The following NBPF12 variants were observed in gnomAD, a reference collection of about 807,000 sequenced individuals.
NBPF12 encodes the protein NBPF member 12.
Under a neutral mutation model 146.4 loss-of-function variants are expected in NBPF12, and 115 were observed. The observed-to-expected ratio is 0.79, with a 90% CI of 0.68 to 0.92. NBPF12 has a LOEUF of 0.92. Among genes scored for constraint, NBPF12 ranks in the 40% least tolerant of loss-of-function variants. The probability of loss-of-function intolerance (pLI) is 0.00; values close to 1 mark genes in which losing one functional copy is unlikely to be tolerated. For synonymous variants in NBPF12, 385 were observed against 508.9 expected (o/e 0.76, Z 3.28); for missense variants, 1,205 against 1,326.8 (o/e 0.91, Z 1.43).
At chr1:146,946,942 T>C (rs1451056562), upstream of NBPF12, among the ~76,000 whole-genome samples, 6 of 152,054 alleles carry the variant, frequency 3.9e-5, no homozygotes, top group Non-Finnish European at 8.8e-5. Flanking sequence ...CTATCTTTGC[T>C]GTTTTAAATT....
chr1:146,964,974 C>A, exon 8 of NBPF12: 8 of 1,604,606 alleles, frequency 5.0e-6, no homozygotes. Context: ...ATAGCCACGG[C>A]CCTTGTGACT....
intron 19 of NBPF12, among the ~76,000 whole-genome samples, chr1:146,981,277 TA>T (rs878971787): frequency 0.087 from 8,794 of 101,064 alleles, 521 homozygotes; most frequent in East Asian, 0.14. Context: ...CTTAAAGTAT[TA>T]AAAAAAAAAA....
chr1:146,957,893 A>G (rs1449663101), intron 2 of NBPF12, among the ~76,000 whole-genome samples: 652 of 22,578 alleles, frequency 0.029, 40 homozygotes, highest in African/African-American at 0.17. Context: ...GTATATACAC[A>G]TATATATACA....
At chr1:146,967,926 C>G (rs1356641999) in intron 9 of NBPF12, among the ~76,000 whole-genome samples, 1 of 144,428 alleles carries the variant, frequency 6.9e-6, no homozygotes, top group Non-Finnish European at 1.5e-5. Flanking sequence ...TGTTATGTGT[C>G]ACACTTTATG....
At chr1:146,962,081 C>G in intron 4 of NBPF12, 80 bp from the exon 8 acceptor site, 2 of 1,307,492 alleles carry the variant, frequency 1.5e-6, no homozygotes, top group Admixed American at 3.4e-5. Flanking sequence ...TGGGATGGAC[C>G]TGGCTCCTGC....
intron 21 of NBPF12, 71 bp downstream of exon 24, chr1:146,984,256 T>A (rs1225365097): frequency 2.5e-6 from 2 of 811,062 alleles, no homozygotes; most frequent in Non-Finnish European, 2.2e-6. Flanking sequence ...GGGAAAACAG[T>A]ACACGCTGAA....
chr1:146,992,462 C>CTCTCTCTGTGTG (rs1450490306), intron 31 of NBPF12, among the ~76,000 whole-genome samples: 53 of 66,262 alleles, frequency 8.0e-4, no homozygotes, highest in African/African-American at 3.7e-3. Context: ...CTCTCTCTCT[C>CTCTCTCTGTGTG]TGTGTGTGTG....
intron 31 of NBPF12, 92 bp downstream of exon 34, chr1:146,992,138 A>T (rs1266955629): frequency 1.8e-6 from 1 of 560,278 alleles, no homozygotes. Context: ...TATCGATTAC[A>T]TCTTTTCAAC....
At position 146,970,516 on chromosome 1, in the gene NBPF12, A is replaced by G. The variant is rs1182878367; in HGVS notation, c.1307-131A>G. 6.1e-4 allele frequency: 773 copies of G among 1,266,960 alleles called. 13 individuals are homozygous for G. The highest frequency in any genetic ancestry group is 1.4e-3 in the South Asian group (110 of 79,938). 78.5% of individuals were successfully genotyped at this position (1,266,960 alleles called of 1,614,324 possible). ...AAACCATGCCAGGGCATTTTGTGAA[A>G]GATAAAACATGAGAGTTTTCAGTAC... On this transcript the variant is annotated intron_variant, in intron 11 of 33. Transcript: ENST00000617844.
chr1:146,953,476 TG>T (rs1171930965), intron 2 of NBPF12, among the ~76,000 whole-genome samples: 2 of 134,878 alleles, frequency 1.5e-5, no homozygotes, highest in African/African-American at 2.9e-5. Context: ...CCCAAAGTGC[TG>T]GGATTACAGG....
intron 1 of NBPF12, among the ~76,000 whole-genome samples, chr1:146,950,291 G>A (rs1374453610): frequency 6.6e-6 from 1 of 151,768 alleles, no homozygotes; most frequent in Non-Finnish European, 1.5e-5. Context: ...GCTTCCGAGA[G>A]TGTCCATTAA....
intron 2 of NBPF12, among the ~76,000 whole-genome samples, chr1:146,953,029 C>A (rs1205501665): frequency 8.6e-5 from 13 of 151,320 alleles, no homozygotes; most frequent in South Asian, 2.1e-4. Context: ...GGAACAGCGG[C>A]GTGCCTGTAA....
At chr1:146,992,155 T>C (rs1658207191) in intron 31 of NBPF12, 109 bp downstream of exon 34, 4 of 556,132 alleles carry the variant, frequency 7.2e-6, no homozygotes, top group Non-Finnish European at 1.2e-5. Flanking sequence ...CAACCAAGCC[T>C]GAATTATTCC....
In NBPF12 at chr1:146,965,012, TCA is replaced by T; in HGVS notation, c.689_690del (p.Thr230IlefsTer2). The stretch of plus-strand genomic sequence containing the variant: ...ATCCAGCCTCACAAGAACATCAAAA[TCA>T]CATTTGAGGAAGACAAAGTCAACTC... On this transcript the variant is annotated frameshift_variant, in exon 8 of 34. Transcript: ENST00000617844. LOFTEE classifies it high-confidence loss of function. 1 of 1,608,478 alleles carries T rather than the reference TCA, an allele frequency of 6.2e-7. No individual in the cohort carries two copies. The highest frequency in any genetic ancestry group is 8.5e-7 in the Non-Finnish European group (1 of 1,178,606).
At chr1:146,972,880 A>G (rs1656745489) in exon 14 of NBPF12, 1 of 1,135,298 alleles carries the variant, frequency 8.8e-7, no homozygotes, top group African/African-American at 1.5e-5. Context: ...GCAGAGAAGA[A>G]ACAGCAGTTC....
exon 14 of NBPF12, chr1:146,972,757 G>T (rs1224289438): frequency 1.5e-6 from 2 of 1,290,908 alleles, no homozygotes; most frequent in African/African-American, 3.0e-5. Flanking sequence ...CCAGTCCCTG[G>T]CCCCACCTCT....
At chr1:146,942,177 C>G (rs1252609832) in intron 1 of NBPF12, among the ~76,000 whole-genome samples, 8 of 151,624 alleles carry the variant, frequency 5.3e-5, no homozygotes, top group Non-Finnish European at 1.0e-4. Flanking sequence ...TTTTTGTAGA[C>G]AGGGTCTTCC....
chr1:146,964,495 C>A, intron 7 of NBPF12, 66 bp downstream of exon 10: 1 of 1,590,582 alleles, frequency 6.3e-7, no homozygotes, highest in Non-Finnish European at 8.6e-7. Flanking sequence ...AAGGCACACC[C>A]TCTCTGGCAT....
chr1:146,962,234 A>G (rs1655894122), exon 5 of NBPF12: 1 of 1,606,886 alleles, frequency 6.2e-7, no homozygotes, highest in African/African-American at 1.3e-5. Flanking sequence ...AGAAGCTTGC[A>G]GAGCAGCTGA....
Sources: allele counts gnomAD v4.1 joint callset (sites outside exome capture counted in the v4.1 genomes callset), GRCh38; gene constraint gnomAD v4.1.1; transcripts MANE v1.5; gene names NCBI Gene and HGNC (gene_info 2026-07-23, HGNC 2026-07-21).